The following DLG2 variants were observed in gnomAD, a reference collection of about 807,000 sequenced individuals.
DLG2 encodes the protein discs large MAGUK scaffold protein 2.
Under a neutral mutation model 132.5 loss-of-function variants are expected in DLG2, and 45 were observed. The ratio of observed to expected loss-of-function variants is 0.34; its 90% CI spans 0.27 to 0.44. The LOEUF (loss-of-function observed/expected upper bound fraction) is 0.44, where lower values mean the gene tolerates loss of function less well. Among genes scored for constraint, DLG2 ranks in the 20% least tolerant of loss-of-function variants. The pLI is 1.00. For missense variants in DLG2, 1,045 were observed against 1,196.9 expected, an observed-to-expected ratio of 0.87 and a Z score of 1.87; for synonymous variants, 424 against 419.6, an observed-to-expected ratio of 1.01 and a Z score of -0.13.
chr11:83,601,510 C>CTT (rs71066054), intron 19 of DLG2, among the ~76,000 whole-genome samples: 2,184 of 94,306 alleles, frequency 0.023, 245 homozygotes, highest in African/African-American at 0.048. Context: ...ATGTGATGTT[C>CTT]TTTTTTTTTT....
chr11:84,355,200 A>G (rs2098604046), intron 7 of DLG2, among the ~76,000 whole-genome samples: 1 of 152,216 alleles, frequency 6.6e-6, no homozygotes, highest in African/African-American at 2.4e-5. Flanking sequence ...TTTGAAGGAC[A>G]AGTAGATGAG....
chr11:85,626,806 A>C (rs2082054169), intron 1 of DLG2, 53 bp from the exon 2 acceptor site: 2 of 152,332 alleles, frequency 1.3e-5, no homozygotes, highest in East Asian at 3.9e-4. Flanking sequence ...TAAACTTTTT[A>C]CACCGCCCAC....
At chr11:84,788,684 A>C (rs1007550655) in intron 6 of DLG2, among the ~76,000 whole-genome samples, 13 of 152,150 alleles carry the variant, frequency 8.5e-5, no homozygotes, top group African/African-American at 2.9e-4. Context: ...TTGATTACTT[A>C]TCTCTCCTAC....
At chr11:83,699,293 T>C (rs1230556367) in intron 18 of DLG2, among the ~76,000 whole-genome samples, 1 of 152,090 alleles carries the variant, frequency 6.6e-6, no homozygotes, top group African/African-American at 2.4e-5. Context: ...ATTGAGATAA[T>C]AAAACTATGG....
At chr11:84,352,963 T>C (rs1414954921) in intron 7 of DLG2, among the ~76,000 whole-genome samples, 3 of 152,164 alleles carry the variant, frequency 2.0e-5, no homozygotes, top group Non-Finnish European at 4.4e-5. Flanking sequence ...TTACAACACA[T>C]ATTACTCTTC....
rs545624526 is a variant in DLG2 at position 83,803,207 on chromosome 11, T to G, written c.1723-16415A>C. ...TTTGTGCCAGTCATTGTGCTATTTT[T>G]GGGGGATGGATTGGTGAAGAAAGCA... On this transcript the variant is annotated intron_variant, in intron 17 of 27. Coordinates refer to ENST00000376104, the MANE Select transcript of DLG2 (RefSeq NM_001142699.3). 1.0e-3 allele frequency among the ~76,000 whole-genome samples: 158 copies of G among 152,248 alleles called. 2 individuals carry two copies. The highest frequency in any genetic ancestry group is 4.8e-3 in the South Asian group (23 of 4,828).
At chr11:83,816,143 T>G (rs2048840319) in intron 17 of DLG2, among the ~76,000 whole-genome samples, 1 of 152,060 alleles carries the variant, frequency 6.6e-6, no homozygotes, top group Non-Finnish European at 1.5e-5. Context: ...GCAACTAGAG[T>G]GGAACATATA....
rs1328783672 is a variant in DLG2 at position 84,363,215 on chromosome 11, TATG to T, written c.520-111927_520-111925del. Among the ~76,000 whole-genome samples, 10 of 152,006 alleles carry T rather than the reference TATG, an allele frequency of 6.6e-5. 1 individual carries two copies. Among genetic ancestry groups the T allele is most frequent in the African/African-American group, 2.4e-4 (10 of 41,368 alleles). On this transcript the variant is annotated intron_variant, in intron 7 of 27. Coordinates refer to ENST00000376104, the MANE Select transcript of DLG2 (RefSeq NM_001142699.3). ...ATGATCGCCATTCTAACTGGTGTGA[TATG>T]ATATCTCATTGTGGTTTTGATTTGC... is the stretch of plus-strand genomic sequence containing the variant.
At position 85,436,661 on chromosome 11, in the gene DLG2, T is replaced by C. The variant is rs558998282; in HGVS notation, c.41-151296A>G. On this transcript the variant is annotated intron_variant, in intron 3 of 27. Transcript: ENST00000376104. Reference sequence around the variant, plus strand: ...TTATTTAAAAGGAAACAACGGATAATGGTGAGGCTATGGAAAAACAGGAAT... The same window carrying C: ...TTATTTAAAAGGAAACAACGGATAACGGTGAGGCTATGGAAAAACAGGAAT... Among the ~76,000 whole-genome samples the C allele has an allele frequency of 1.1e-4, 17 of 152,254 alleles. 1 individual carries two copies. In the South Asian group the frequency reaches 3.5e-3, roughly 32 times the overall value.
intron 15 of DLG2, among the ~76,000 whole-genome samples, chr11:83,900,399 C>T (rs11233795): frequency 0.07 from 10,637 of 152,156 alleles, 505 homozygotes; most frequent in African/African-American, 0.13. Context: ...TGATGGCAGC[C>T]CCTCCCATCA....
intron 18 of DLG2, among the ~76,000 whole-genome samples, chr11:83,743,433 T>TCTTTC (rs546782147): frequency 1.6e-5 from 2 of 127,566 alleles, no homozygotes; most frequent in Non-Finnish European, 3.4e-5. Flanking sequence ...CAGGCCATTT[T>TCTTTC]TTTTTTTTTT....
Position 84,254,942 on chromosome 11 carries a change from G to A in DLG2, c.520-3651C>T, listed in dbSNP as rs73519789. Among the ~76,000 whole-genome samples the A allele has an allele frequency of 9.2e-3, 1,398 of 152,186 alleles. 21 individuals are homozygous for A. Among genetic ancestry groups the A allele is most frequent in the African/African-American group, 0.032 (1,319 of 41,506 alleles). The stretch of plus-strand genomic sequence containing the variant: ...ATCACATACACCTGACATTGGTAAC[G>A]CCCTGGTGTGACTGCCAAAGAGATG... On this transcript the variant is annotated intron_variant, in intron 7 of 27. Transcript: ENST00000376104.
intron 3 of DLG2, among the ~76,000 whole-genome samples, chr11:85,397,726 T>A (rs2087553590): frequency 6.6e-6 from 1 of 152,036 alleles, no homozygotes; most frequent in Non-Finnish European, 1.5e-5. Context: ...CAAGAGGAGT[T>A]AACATCTTAA....
intron 6 of DLG2, among the ~76,000 whole-genome samples, chr11:85,064,642 G>A (rs1386626975): frequency 6.6e-6 from 1 of 151,712 alleles, no homozygotes; most frequent in Admixed American, 6.6e-5. Context: ...CTAAGCTGTG[G>A]TACCAAGCTG....
chr11:85,423,443 C>T (rs1025324131), intron 3 of DLG2, among the ~76,000 whole-genome samples: 1 of 152,116 alleles, frequency 6.6e-6, no homozygotes, highest in African/African-American at 2.4e-5. Flanking sequence ...AGAGTATCAG[C>T]TGTGGTAATA....
intron 4 of DLG2, among the ~76,000 whole-genome samples, chr11:85,265,726 C>A (rs746101006): frequency 6.6e-6 from 1 of 152,164 alleles, no homozygotes; most frequent in Non-Finnish European, 1.5e-5. Flanking sequence ...CTGCACCCAC[C>A]ATCCTGTGCC....
intron 18 of DLG2, among the ~76,000 whole-genome samples, chr11:83,651,195 C>T (rs1033567600): frequency 2.0e-5 from 3 of 151,910 alleles, no homozygotes; most frequent in Non-Finnish European, 4.4e-5. Context: ...CAATAAATAT[C>T]AATTGAATTG....
At chr11:85,383,649 C>T (rs1266531184) in intron 3 of DLG2, among the ~76,000 whole-genome samples, 3 of 152,058 alleles carry the variant, frequency 2.0e-5, no homozygotes, top group Non-Finnish European at 4.4e-5. Flanking sequence ...TCCGGCATAA[C>T]CTATTTCAAT....
rs1445132702 is a variant in DLG2 at position 84,070,999 on chromosome 11, G to T, written c.750-11515C>A. Reference sequence around the variant, plus strand: ...AATAATTTCATCACCAGAAAGGGAGGAGTGTTCCTTCTTTTTTAGCCACAC... The same window carrying T: ...AATAATTTCATCACCAGAAAGGGAGTAGTGTTCCTTCTTTTTTAGCCACAC... On this transcript the variant is annotated intron_variant, in intron 10 of 27. Coordinates refer to ENST00000376104, the MANE Select transcript of DLG2 (RefSeq NM_001142699.3). Among the ~76,000 whole-genome samples the T allele has an allele frequency of 2.0e-5, 3 of 152,136 alleles. 1 individual carries two copies. In the East Asian group the frequency reaches 5.8e-4, roughly 29 times the overall value.
Sources: allele counts gnomAD v4.1 joint callset (sites outside exome capture counted in the v4.1 genomes callset), GRCh38; gene constraint gnomAD v4.1.1; transcripts MANE v1.5; gene names NCBI Gene and HGNC (gene_info 2026-07-23, HGNC 2026-07-21).